ZNF331: variants seen among roughly 807,000 people sequenced by gnomAD.
ZNF331 encodes C2H2-like zinc finger protein rearranged in thyroid adenomas.
ZNF331 carries 2 observed loss-of-function variants against 7.0 expected under a neutral mutation model. That is an observed-to-expected ratio of 0.29 (90% CI 0.12 to 0.90). The LOEUF is 0.90. ZNF331 is among the 40% of genes least tolerant of loss of function. ZNF331 has a pLI of 0.58. For synonymous variants in ZNF331, 196 were observed against 205.4 expected (o/e 0.95, Z 0.39); for missense variants, 432 against 587.7 (o/e 0.74, Z 2.74).
the ZNF331 span, among the ~76,000 whole-genome samples, chr19:53,510,136 A>G: frequency 2.0e-5 from 3 of 152,218 alleles, no homozygotes; most frequent in East Asian, 1.9e-4. Flanking sequence ...GAAGTGTCCT[A>G]TGTGATGGAA....
intron 2 of ZNF331, among the ~76,000 whole-genome samples, chr19:53,540,352 T>C (rs1175171182): frequency 6.6e-6 from 1 of 152,168 alleles, no homozygotes; most frequent in Non-Finnish European, 1.5e-5. Flanking sequence ...CTGTGTCCTC[T>C]CACGGAGGAC....
At chr19:53,514,608 T>A (rs1178039596), upstream of ZNF331, among the ~76,000 whole-genome samples, 1 of 151,642 alleles carries the variant, frequency 6.6e-6, no homozygotes, top group East Asian at 1.9e-4. Context: ...CCACTCCAGC[T>A]CCGCCCCAGG....
intron 2 of ZNF331, among the ~76,000 whole-genome samples, chr19:53,545,706 C>G (rs1455029779): frequency 6.6e-6 from 1 of 152,206 alleles, no homozygotes; most frequent in Non-Finnish European, 1.5e-5. Context: ...CAGTGTGGTA[C>G]CTGCCTGAGA....
At chr19:53,522,371 G>A (rs1342071234) in intron 1 of ZNF331, among the ~76,000 whole-genome samples, 1 of 151,696 alleles carries the variant, frequency 6.6e-6, no homozygotes, top group Non-Finnish European at 1.5e-5. Flanking sequence ...CAAGTAGCTG[G>A]GACCACAGGC....
At chr19:53,564,071 A>G (rs8107447) in intron 3 of ZNF331, among the ~76,000 whole-genome samples, 78,432 of 109,840 alleles carry the variant, frequency 0.71, 28,471 homozygotes, top group Middle Eastern at 0.78. Flanking sequence ...CAGAGCCTGC[A>G]TTCTTTTTTT....
At chr19:53,535,999 T>G (rs141622336), upstream of ZNF331, among the ~76,000 whole-genome samples, 11,029 of 152,172 alleles carry the variant, frequency 0.072, 529 homozygotes, top group Non-Finnish European at 0.11. Flanking sequence ...AGACAGGGTT[T>G]CACCATGTTG....
intron 2 of ZNF331, among the ~76,000 whole-genome samples, chr19:53,544,743 C>CT (rs1029077992): frequency 3.3e-5 from 5 of 150,996 alleles, no homozygotes; most frequent in African/African-American, 9.7e-5. Flanking sequence ...TTTTGTTTTT[C>CT]TTTTTTTTGA....
At chr19:53,563,882 A>G (rs2090018544) in intron 3 of ZNF331, 1 of 151,886 alleles carries the variant, frequency 6.6e-6, no homozygotes, top group South Asian at 2.1e-4. Flanking sequence ...TAAAAATACA[A>G]AAATTAGCCG....
rs371562270 is a variant in ZNF331, at chr19:53,558,860, TATACACACAC to T, written c.-74+2957_-74+2966del. ...TACATATATACACACCATACACACA[TATACACACAC>T]ATACCCCATATATACACACATATAC... On this transcript the variant is annotated intron_variant, in intron 3 of 5. Coordinates refer to ENST00000449416, the MANE Select transcript of ZNF331 (RefSeq NM_001079906.2). The surrounding 1 kb of genome is among the most constrained non-coding windows in gnomAD (Gnocchi z 4.5). Among the ~76,000 whole-genome samples the T allele has an allele frequency of 4.0e-5, 6 of 150,030 alleles. No homozygotes were observed. Among genetic ancestry groups the T allele is most frequent in the African/African-American group, 1.5e-4 (6 of 40,364 alleles).
At chr19:53,520,039 CTTATTA>C (rs138557099), upstream of ZNF331, among the ~76,000 whole-genome samples, 8 of 151,180 alleles carry the variant, frequency 5.3e-5, no homozygotes, top group South Asian at 6.3e-4. Flanking sequence ...GCTTTCCGGG[CTTATTA>C]TTATTATTAT....
chr19:53,575,499 C>CTTTTTTTTTT (rs34296898), intron 5 of ZNF331, among the ~76,000 whole-genome samples: 1 of 75,870 alleles, frequency 1.3e-5, no homozygotes, highest in Non-Finnish European at 2.5e-5. Flanking sequence ...TACCCAGTTG[C>CTTTTTTTTTT]TTTTTTTTTT....
chr19:53,551,741 C>T (rs1482336361), intron 2 of ZNF331, among the ~76,000 whole-genome samples: 2 of 152,062 alleles, frequency 1.3e-5, no homozygotes, highest in African/African-American at 4.8e-5. Flanking sequence ...TATTCTAAAC[C>T]ATACAGTATG....
Position 53,560,936 on chromosome 19 carries a change from C to T in ZNF331, c.-74+5028C>T, listed in dbSNP as rs2089846314. ...ATACAAGGTAACATATTTGAAAGTA[C>T]TGGAATTACCATAGAGACACATTTG... On this transcript the variant is annotated intron_variant, in intron 3 of 5. Coordinates refer to ENST00000449416, the MANE Select transcript of ZNF331 (RefSeq NM_001079906.2). The surrounding 1 kb of genome is among the most constrained non-coding windows in gnomAD (Gnocchi z 4.3). Among the ~76,000 whole-genome samples the T allele has an allele frequency of 6.6e-6, 1 of 152,138 alleles. No individual in the cohort carries two copies.
chr19:53,503,940 C>CT, the ZNF331 span: 1 of 641,578 alleles, frequency 1.6e-6, no homozygotes, highest in Non-Finnish European at 2.9e-6. Context: ...CACTGCTGTC[C>CT]TTCCCTGATG....
intron 3 of ZNF331, among the ~76,000 whole-genome samples, chr19:53,563,220 T>C (rs1004833371): frequency 5.3e-5 from 8 of 150,974 alleles, no homozygotes; most frequent in Non-Finnish European, 8.8e-5. Context: ...CCCAAGAAGC[T>C]GGTATTACAG....
At chr19:53,514,946 G>A (rs1367217320), upstream of ZNF331, among the ~76,000 whole-genome samples, 1 of 152,136 alleles carries the variant, frequency 6.6e-6, no homozygotes, top group South Asian at 2.1e-4. Context: ...ATGGTGCCCC[G>A]CCAAAGCCTT....
the ZNF331 span, among the ~76,000 whole-genome samples, chr19:53,506,200 T>G: frequency 7.0e-6 from 1 of 142,448 alleles, no homozygotes. Flanking sequence ...CCGGGCGTGG[T>G]GGCGGGCGCC....
chr19:53,519,720 CGCAAAG>C (rs1428159031), upstream of ZNF331, among the ~76,000 whole-genome samples: 7 of 152,168 alleles, frequency 4.6e-5, no homozygotes, highest in African/African-American at 1.7e-4. Flanking sequence ...GAGAACGAAA[CGCAAAG>C]TCCTGCCCTT....
chr19:53,503,256 T>C, the ZNF331 span: 15 of 301,976 alleles, frequency 5.0e-5, no homozygotes, highest in African/African-American at 2.8e-4. Context: ...GCAGCCTCAA[T>C]CTCCTGGGCT....
Sources: gnomAD v4.1 joint callset for allele counts (sites outside exome capture counted in the v4.1 genomes callset) on GRCh38, gnomAD v4.1.1 for gene constraint, Gnocchi (gnomAD v3.1) non-coding constraint, MANE v1.5 for transcripts, NCBI Gene and HGNC (gene_info 2026-07-23, HGNC 2026-07-21) for gene names.